ATXN7L3: variants seen among roughly 807,000 people sequenced by gnomAD.
ATXN7L3 encodes the protein ataxin-7-like protein 3.
Under a neutral mutation model 50.0 loss-of-function variants are expected in ATXN7L3, and 6 were observed. The observed-to-expected ratio is 0.12, with a 90% CI of 0.07 to 0.24. ATXN7L3 has a LOEUF of 0.24. Ranked by LOEUF, ATXN7L3 falls within the 10% of genes least tolerant of loss-of-function variation. The probability of loss-of-function intolerance (pLI) is 1.00; values close to 1 mark genes in which losing one functional copy is unlikely to be tolerated. For synonymous variants in ATXN7L3, 198 were observed against 165.8 expected, an observed-to-expected ratio of 1.19 and a Z score of -1.49; for missense variants, 322 against 451.3, an observed-to-expected ratio of 0.71 and a Z score of 2.60.
At position 44,195,451 on chromosome 17, in the gene ATXN7L3, C is replaced by G. The variant is rs2144472752; in HGVS notation, c.589G>C (p.Gly197Arg). 1.2e-6 allele frequency: 2 copies of G among 1,614,134 alleles called. No homozygotes were observed. The highest frequency in any genetic ancestry group is 4.5e-5 in the East Asian group (2 of 44,874). Residue 197 changes from glycine to arginine, a missense_variant, in exon 9 of 13, where the codon GGG becomes CGG. Physicochemically the swap from Gly to Arg is moderately radical, Grantham distance 125. Around this residue, in one of 5 missense-constraint regions of ATXN7L3, gnomAD observed 95 missense variants for 98.1 expected, o/e 0.97. Transcript: ENST00000587097. ...NSTGISYETL[G>R]PEELRSLLTT... ...AGCAGGCTGCGAAGCTCCTCCGGCC[C>G]CAGGGTCTCATAGCTGATCCCAGTT...
At chr17:44,197,103 CCAACTT>C (rs1255721583) in intron 4 of ATXN7L3, 77 bp from the exon 5 acceptor site, 1 of 1,556,914 alleles carries the variant, frequency 6.4e-7, no homozygotes, top group Non-Finnish European at 8.8e-7. Flanking sequence ...CGCTCTGCCC[CCAACTT>C]CAGAAGCAGG....
intron 2 of ATXN7L3, 52 bp from the exon 3 acceptor site, chr17:44,197,782 C>CGAGA (rs2055968397): frequency 1.2e-6 from 2 of 1,610,614 alleles, no homozygotes; most frequent in Admixed American, 3.3e-5. Flanking sequence ...GCCCCCTGGA[C>CGAGA]TCTCACCAAC....
At position 44,197,900 on chromosome 17, in the gene ATXN7L3, G is replaced by A. The variant is rs2055977248; in HGVS notation, c.51+120C>T. ...TCCTGGATCCTTGGCTTTTTCAGCT[G>A]GCTATTCCCTTTAAGGAACAAGGCT... On this transcript the variant is annotated intron_variant, in intron 2 of 12. Transcript: ENST00000587097. The A allele has an allele frequency of 2.0e-6, 3 of 1,508,934 alleles. No homozygotes were observed. In the Admixed American group the frequency reaches 5.4e-5, roughly 27 times the overall value. The allele number at this position is 1,508,934 out of a possible 1,614,324, so 93.5% of individuals were successfully genotyped here.
intron 8 of ATXN7L3, 105 bp downstream of exon 8, chr17:44,195,695 C>T (rs2055860961): frequency 1.5e-6 from 2 of 1,321,578 alleles, no homozygotes; most frequent in Non-Finnish European, 2.2e-6. Context: ...CCAAATAGCT[C>T]ATCAGTGCCT....
Position 44,196,386 on chromosome 17 carries a change from C to G in ATXN7L3, c.477+10G>C. On this transcript the variant is annotated intron_variant, in intron 6 of 12. Transcript: ENST00000587097. ...CCCATTATTTCCCCAATGCCTGGCC[C>G]GGCTCTCACCTTGTCTGACTTTCTC... The G allele has an allele frequency of 6.2e-7, 1 of 1,613,972 alleles. No homozygotes were observed. Among genetic ancestry groups the G allele is most frequent in the Non-Finnish European group, 8.5e-7 (1 of 1,179,998 alleles).
rs1436368729 is a variant in ATXN7L3 at position 44,192,799 on chromosome 17, A to C, written c.*1464T>G. The stretch of plus-strand genomic sequence containing the variant: ...GTTCCCTTAACCCTCTAGGGTCCCT[A>C]ACCCGATCAGTCCAACCAGTCCTGG... On this transcript the variant is annotated 3_prime_UTR_variant, in exon 13 of 13. Coordinates refer to ENST00000587097, the MANE Select transcript of ATXN7L3 (RefSeq NM_001382309.1). 1 of 152,112 alleles carries C rather than the reference A, an allele frequency of 6.6e-6. No homozygotes were observed. The highest frequency in any genetic ancestry group is 1.5e-5 in the Non-Finnish European group (1 of 68,042). 9.4% of individuals were successfully genotyped at this position (152,112 alleles called of 1,614,324 possible).
At chr17:44,195,169 G>A in intron 9 of ATXN7L3, 29 bp from the exon 10 acceptor site, 1 of 1,606,764 alleles carries the variant, frequency 6.2e-7, no homozygotes, top group Non-Finnish European at 8.5e-7. Context: ...CTGAAAGGAG[G>A]GATGGAAGGA....
chr17:44,194,888 C>T (rs1361056273), intron 10 of ATXN7L3, 49 bp from the exon 11 acceptor site: 1 of 1,600,868 alleles, frequency 6.2e-7, no homozygotes, highest in African/African-American at 1.3e-5. Context: ...CAGGTAAAGC[C>T]CCTCCCCTCG....
chr17:44,195,410 C>G lies in ATXN7L3; in HGVS notation c.621+9G>C, dbSNP rs2055846953. 6.2e-7 allele frequency: 1 copy of G among 1,613,368 alleles called. No individual in the cohort carries two copies. The highest frequency in any genetic ancestry group is 1.3e-5 in the African/African-American group (1 of 74,896). ...CCAGGGACCTTCTCTCTTGCTGGTC[C>G]TCCCTCACCGTGGTTAGCAGGCTGC... On this transcript the variant is annotated intron_variant, in intron 9 of 12. Transcript: ENST00000587097.
chr17:44,196,567 CAGA>C (rs1338457828), intron 5 of ATXN7L3, 149 bp from the exon 6 acceptor site: 1 of 958,986 alleles, frequency 1.0e-6, no homozygotes, highest in East Asian at 2.4e-5. Flanking sequence ...ATCACGAGGT[CAGA>C]AGATCGAGAC....
rs749377744 is a variant in ATXN7L3 at position 44,194,824 on chromosome 17, T to C, written c.681A>G (p.Pro227=). The change falls in exon 11 of 13, where the codon CCA becomes CCG. Residue 227 remains proline (P), a synonymous_variant. Transcript: ENST00000587097. ...TTCGCCTCTGCTCATCTGTGTGCTG[T>C]GGGCAGCGCAGGGACCTGGTGGTGA... ...KKMCTRSLRC[P]QHTDEQRRTV... is the part of the protein sequence containing the mutation. The C allele has an allele frequency of 6.2e-7, 1 of 1,614,100 alleles. No individual in the cohort carries two copies. The highest frequency in any genetic ancestry group is 8.5e-7 in the Non-Finnish European group (1 of 1,180,006).
In ATXN7L3 at chr17:44,195,155, T is replaced by C. The variant is rs534531969; in HGVS notation, c.622-15A>G. ...ACCCCACATTGCTGGAAGAGGAATA[T>C]AAGCTGAAAGGAGGGATGGAAGGAA... On this transcript the variant is annotated splice_polypyrimidine_tract_variant and intron_variant, in intron 9 of 12. Coordinates refer to ENST00000587097, the MANE Select transcript of ATXN7L3 (RefSeq NM_001382309.1). 6.2e-7 allele frequency: 1 copy of C among 1,613,410 alleles called. No individual in the cohort carries two copies. Among genetic ancestry groups the C allele is most frequent in the Non-Finnish European group, 8.5e-7 (1 of 1,179,382 alleles).
rs576595563 is a variant in ATXN7L3, at chr17:44,194,366, T to C, written c.941A>G (p.His314Arg). The stretch of plus-strand genomic sequence containing the variant: ...GGAGGCAGTCCCTACCAGGCTCAGA[T>C]GGGATTTCTTTTTCTTGGTTTTCCG... Reference protein sequence around the residue: ...ESRKTKKKKSHLSLVGTASGL... With the variant: ...ESRKTKKKKSRLSLVGTASGL... Residue 314 changes from histidine to arginine, a missense_variant, in exon 13 of 13, where the codon CAT becomes CGT. By Grantham distance (29) the His-to-Arg change is conservative. Coordinates refer to ENST00000587097, the MANE Select transcript of ATXN7L3 (RefSeq NM_001382309.1). 16 of 1,614,094 alleles carry C rather than the reference T, an allele frequency of 9.9e-6. No individual in the cohort carries two copies. The highest frequency in any genetic ancestry group is 8.0e-5 in the African/African-American group (6 of 74,942).
At chr17:44,194,973 C>T (rs2055830440) in intron 10 of ATXN7L3, 124 bp downstream of exon 10, 5 of 1,476,836 alleles carry the variant, frequency 3.4e-6, no homozygotes, top group South Asian at 2.3e-5. Context: ...CCAAAGGCCT[C>T]ATCATTAGAG....
At position 44,193,981 on chromosome 17, in the gene ATXN7L3, A is replaced by G; in HGVS notation, c.*282T>C. On this transcript the variant is annotated 3_prime_UTR_variant, in exon 13 of 13. Coordinates refer to ENST00000587097, the MANE Select transcript of ATXN7L3 (RefSeq NM_001382309.1). ...GGTCAGGCCCCTGGCCTAGCTGGAC[A>G]TCCAGTAACTCACAGAATAAATAGG... is the stretch of plus-strand genomic sequence containing the variant. 1 of 394,768 alleles carries G rather than the reference A, an allele frequency of 2.5e-6. No individual in the cohort carries two copies. The highest frequency in any genetic ancestry group is 3.1e-5 in the South Asian group (1 of 32,624). The allele number at this position is 394,768 out of a possible 1,614,324, so 24.5% of individuals were successfully genotyped here. A position where few individuals can be genotyped will look rare whatever the true frequency, so the allele number is the denominator to read the frequency against.
chr17:44,198,117 G>T lies in ATXN7L3; in HGVS notation c.-47C>A. 6.3e-7 allele frequency: 1 copy of T among 1,592,630 alleles called. No homozygotes were observed. The highest frequency in any genetic ancestry group is 8.6e-7 in the Non-Finnish European group (1 of 1,162,260). On this transcript the variant is annotated 5_prime_UTR_variant, in exon 2 of 13. Coordinates refer to ENST00000587097, the MANE Select transcript of ATXN7L3 (RefSeq NM_001382309.1). ...GCGCTCTGACTGCTCATAGCACAGC[G>T]GGCGGCAACACGGCTGCACACACGG...
Position 44,198,126 on chromosome 17 carries a change from C to T in ATXN7L3, c.-56G>A. On this transcript the variant is annotated 5_prime_UTR_variant, in exon 2 of 13. Transcript: ENST00000587097. The stretch of plus-strand genomic sequence containing the variant: ...CTGCTCATAGCACAGCGGGCGGCAA[C>T]ACGGCTGCACACACGGGGGTGGGGG... 3 of 1,550,740 alleles carry T rather than the reference C, an allele frequency of 1.9e-6. No individual in the cohort carries two copies. The highest frequency in any genetic ancestry group is 2.7e-6 in the Non-Finnish European group (3 of 1,126,262).
intron 10 of ATXN7L3, 39 bp from the exon 11 acceptor site, chr17:44,194,878 CA>C: frequency 2.5e-6 from 4 of 1,606,782 alleles, no homozygotes; most frequent in Non-Finnish European, 3.4e-6. Context: ...CTGAGGAACT[CA>C]GGTAAAGCCC....
At chr17:44,197,168 C>A in intron 4 of ATXN7L3, 60 bp downstream of exon 4, 1 of 1,565,104 alleles carries the variant, frequency 6.4e-7, no homozygotes. Context: ...CTTCCCAATG[C>A]CCCCGGGGGA....
Sources: gnomAD v4.1 joint callset for allele counts on GRCh38, gnomAD v4.1.1 for gene constraint, gnomAD v4.1.1 regional missense constraint, MANE v1.5 for transcripts, NCBI Gene and HGNC (gene_info 2026-07-23, HGNC 2026-07-21) for gene names.